Variants in RUNX2 observed in about 807,000 individuals in gnomAD.
The protein encoded by RUNX2 is runt-related transcription factor 2.
RUNX2 carries 10 observed loss-of-function variants against 51.7 expected under a neutral mutation model. The ratio of observed to expected loss-of-function variants is 0.19; its 90% CI spans 0.12 to 0.33. The LOEUF is 0.33. Among genes scored for constraint, RUNX2 ranks in the 10% least tolerant of loss-of-function variants. The pLI is 1.00. For synonymous variants in RUNX2, 276 were observed against 273.6 expected (o/e 1.01, Z -0.09); for missense variants, 562 against 691.3 (o/e 0.81, Z 2.10).
In RUNX2 at chr6:45,378,637, T is replaced by C. The variant is rs965242724; in HGVS notation, c.59-43956T>C. On this transcript the variant is annotated intron_variant, in intron 2 of 8. Coordinates refer to ENST00000647337, the MANE Select transcript of RUNX2 (RefSeq NM_001024630.4). ...GGCGTTTAACTACCATGTTTTGTTA[T>C]TGAAAACTTTTTCTACTTGAAGGCT... Among the ~76,000 whole-genome samples, 77 of 152,218 alleles carry C rather than the reference T, an allele frequency of 5.1e-4. 1 individual carries two copies. Among genetic ancestry groups the C allele is most frequent in the African/African-American group, 1.7e-3 (69 of 41,554 alleles).
chr6:45,381,532 A>G (rs550381970), intron 2 of RUNX2, among the ~76,000 whole-genome samples: 16 of 152,024 alleles, frequency 1.1e-4, no homozygotes, highest in Non-Finnish European at 1.8e-4. Context: ...GGCTCAAGCA[A>G]TCCTTCCACC....
In RUNX2 at chr6:45,377,672, G is replaced by A. The variant is rs997634914; in HGVS notation, c.59-44921G>A. Reference sequence around the variant, plus strand: ...GGGCCAGGGCGTGGCCGGCGCGGGGGCCCAGCGACGCTGGGATCTCCGCTC... The same window carrying A: ...GGGCCAGGGCGTGGCCGGCGCGGGGACCCAGCGACGCTGGGATCTCCGCTC... On this transcript the variant is annotated intron_variant, in intron 2 of 8. Transcript: ENST00000647337. 275 of 152,360 alleles carry A rather than the reference G, an allele frequency of 1.8e-3. 2 individuals are homozygous for A. The highest frequency in any genetic ancestry group is 4.7e-4 in the Non-Finnish European group (32 of 68,116). The allele number at this position is 152,360 out of a possible 1,614,324, so 9.4% of individuals were successfully genotyped here.
intron 2 of RUNX2, among the ~76,000 whole-genome samples, chr6:45,347,337 T>C (rs779811687): frequency 3.3e-5 from 5 of 152,190 alleles, no homozygotes; most frequent in Non-Finnish European, 5.9e-5. Flanking sequence ...GATTTTAAGA[T>C]GTATTTCCTT....
rs545633634 is a variant in RUNX2 at position 45,550,273 on chromosome 6, T to A, written c.*2968T>A. ...TACCACAGCTTTGGTTTTAGATTAG[T>A]GGAATAACATTCAGCCCAGAACTGA... On this transcript the variant is annotated 3_prime_UTR_variant, in exon 9 of 9. Transcript: ENST00000647337. 39 of 152,558 alleles carry A rather than the reference T, an allele frequency of 2.6e-4. 1 individual carries two copies. The highest frequency in any genetic ancestry group is 8.2e-4 in the African/African-American group (34 of 41,586). The allele number at this position is 152,558 out of a possible 1,614,324, so 9.5% of individuals were successfully genotyped here.
intron 6 of RUNX2, among the ~76,000 whole-genome samples, chr6:45,497,688 G>A (rs566746675): frequency 2.6e-5 from 4 of 152,000 alleles, no homozygotes; most frequent in African/African-American, 9.7e-5. Flanking sequence ...TGTTCCATGT[G>A]CTGATGATTA....
At chr6:45,490,292 T>G (rs1212425762) in intron 5 of RUNX2, among the ~76,000 whole-genome samples, 1 of 152,172 alleles carries the variant, frequency 6.6e-6, no homozygotes, top group African/African-American at 2.4e-5. Flanking sequence ...ACAATGAATT[T>G]CTCTAATTTT....
At chr6:45,508,220 C>CTTTTTTTTTTTTTTTT (rs61501897) in intron 6 of RUNX2, among the ~76,000 whole-genome samples, 1 of 65,694 alleles carries the variant, frequency 1.5e-5, no homozygotes, top group Admixed American at 2.2e-4. Context: ...CTTATATTTC[C>CTTTTTTTTTTTTTTTT]TTTTTTTTTT....
At chr6:45,362,160 T>C (rs937091647) in intron 2 of RUNX2, among the ~76,000 whole-genome samples, 17 of 152,238 alleles carry the variant, frequency 1.1e-4, no homozygotes, top group African/African-American at 3.9e-4. Flanking sequence ...GCTCTAATAC[T>C]AGGACAGATT....
intron 2 of RUNX2, among the ~76,000 whole-genome samples, chr6:45,387,051 C>T (rs1797363976): frequency 6.6e-6 from 1 of 151,978 alleles, no homozygotes; most frequent in African/African-American, 2.4e-5. Flanking sequence ...GAGTAGGAAA[C>T]AATAGAAGAT....
chr6:45,411,367 T>G (rs969226955), intron 2 of RUNX2, among the ~76,000 whole-genome samples: 1 of 152,242 alleles, frequency 6.6e-6, no homozygotes, highest in African/African-American at 2.4e-5. Context: ...CAACAATTTT[T>G]TTTTCAATTT....
At chr6:45,371,671 G>C (rs1018032396) in intron 2 of RUNX2, among the ~76,000 whole-genome samples, 1 of 152,156 alleles carries the variant, frequency 6.6e-6, no homozygotes, top group African/African-American at 2.4e-5. Context: ...ATAGCAGTCA[G>C]GGGACTTACA....
chr6:45,531,876 A>AT (rs35740963), intron 7 of RUNX2, among the ~76,000 whole-genome samples: 54,997 of 152,118 alleles, frequency 0.36, 11,545 homozygotes, highest in African/African-American at 0.59. Context: ...AAAATCATTT[A>AT]TTTAACTTTG....
intron 2 of RUNX2, among the ~76,000 whole-genome samples, chr6:45,380,343 T>C (rs570612247): frequency 6.6e-6 from 1 of 152,340 alleles, no homozygotes; most frequent in African/African-American, 2.4e-5. Flanking sequence ...AATGTCTCCA[T>C]GACCTGGACA....
chr6:45,516,209 C>T (rs1801315410), intron 7 of RUNX2, among the ~76,000 whole-genome samples: 2 of 152,168 alleles, frequency 1.3e-5, no homozygotes, highest in African/African-American at 4.8e-5. Flanking sequence ...ACAATCCTTA[C>T]TTTACTGCAG....
chr6:45,459,402 T>A (rs1799409515), intron 5 of RUNX2, among the ~76,000 whole-genome samples: 1 of 152,232 alleles, frequency 6.6e-6, no homozygotes, highest in South Asian at 2.1e-4. Flanking sequence ...AGCCACAGTA[T>A]TTACTGAGCA....
chr6:45,344,568 C>T (rs934265230), intron 2 of RUNX2, among the ~76,000 whole-genome samples: 2 of 151,878 alleles, frequency 1.3e-5, no homozygotes, highest in African/African-American at 4.8e-5. Flanking sequence ...AACTGCTTTA[C>T]GATATGCACA....
At chr6:45,449,607 T>A (rs1322431442) in intron 5 of RUNX2, among the ~76,000 whole-genome samples, 3 of 152,234 alleles carry the variant, frequency 2.0e-5, no homozygotes, top group Non-Finnish European at 4.4e-5. Flanking sequence ...GTTGATGTGA[T>A]GAAGCAGTGT....
intron 2 of RUNX2, among the ~76,000 whole-genome samples, chr6:45,414,953 A>G (rs1798034822): frequency 1.3e-5 from 2 of 151,982 alleles, no homozygotes; most frequent in South Asian, 4.1e-4. Context: ...AGCCATATCT[A>G]TACTCTCTGT....
At chr6:45,329,237 G>T (rs1052585206) in intron 2 of RUNX2, among the ~76,000 whole-genome samples, 5 of 151,814 alleles carry the variant, frequency 3.3e-5, no homozygotes, top group Non-Finnish European at 5.9e-5. Context: ...TCAACATTAT[G>T]GTCTACCATG....
Sources: gnomAD v4.1 joint callset for allele counts (sites outside exome capture counted in the v4.1 genomes callset) on GRCh38, gnomAD v4.1.1 for gene constraint, MANE v1.5 for transcripts, NCBI Gene and HGNC (gene_info 2026-07-23, HGNC 2026-07-21) for gene names.